Variants in ECHDC1 observed in about 807,000 individuals in gnomAD.
The protein encoded by ECHDC1 is ethylmalonyl-CoA decarboxylase 1.
In ECHDC1, 29 loss-of-function variants were observed where a neutral mutation model predicts 29.7. The observed-to-expected ratio is 0.98, with a 90% CI of 0.73 to 1.33. The LOEUF (loss-of-function observed/expected upper bound fraction) is 1.33, where lower values mean the gene tolerates loss of function less well. Ranked by LOEUF, ECHDC1 falls within the 40% of genes most tolerant of loss-of-function variation. The pLI is 0.00. For synonymous variants in ECHDC1, 126 were observed against 123.1 expected (o/e 1.02, Z -0.15); for missense variants, 328 against 350.0 (o/e 0.94, Z 0.50).
intron 5 of ECHDC1, among the ~76,000 whole-genome samples, chr6:127,296,366 TA>T (rs1438266940): frequency 2.0e-5 from 3 of 152,148 alleles, no homozygotes; most frequent in Non-Finnish European, 4.4e-5. Flanking sequence ...TAAATTTTTA[TA>T]CATTTTTAGT....
At chr6:127,333,300 G>A (rs890275520) in intron 1 of ECHDC1, among the ~76,000 whole-genome samples, 1 of 152,142 alleles carries the variant, frequency 6.6e-6, no homozygotes, top group Non-Finnish European at 1.5e-5. Context: ...TTTACCTGAT[G>A]TAGTTCCCAG....
At chr6:127,298,211 G>A (rs1295329488) in intron 5 of ECHDC1, among the ~76,000 whole-genome samples, 1 of 152,098 alleles carries the variant, frequency 6.6e-6, no homozygotes, top group Non-Finnish European at 1.5e-5. Context: ...CGCCTTTCCT[G>A]CAAGTTTGTA....
intron 4 of ECHDC1, 160 bp downstream of exon 4, chr6:127,316,290 A>G: frequency 1.7e-6 from 1 of 585,976 alleles, no homozygotes; most frequent in Non-Finnish European, 3.0e-6. Flanking sequence ...TTAACATGTA[A>G]TTAAATGATT....
At chr6:127,320,836 C>G (rs774425877) in intron 3 of ECHDC1, among the ~76,000 whole-genome samples, 1 of 151,854 alleles carries the variant, frequency 6.6e-6, no homozygotes, top group African/African-American at 2.4e-5. Flanking sequence ...AGCTCTTTTC[C>G]TGCACAATAA....
intron 1 of ECHDC1, among the ~76,000 whole-genome samples, chr6:127,334,469 G>A (rs9321076): frequency 0.73 from 111,011 of 151,976 alleles, 40,717 homozygotes; most frequent in East Asian, 0.78. Flanking sequence ...ACAGTCACCA[G>A]TTAGTAGCAT....
rs536164641 is a variant in ECHDC1 at position 127,299,331 on chromosome 6, G to A, written c.498-9054C>T. 4.6e-4 allele frequency among the ~76,000 whole-genome samples: 70 copies of A among 151,956 alleles called. 1 individual carries two copies. The highest frequency in any genetic ancestry group is 1.6e-4 in the Non-Finnish European group (11 of 67,996). On this transcript the variant is annotated intron_variant, in intron 5 of 5. Coordinates refer to ENST00000454859, the MANE Select transcript of ECHDC1 (RefSeq NM_001002030.2). ...TTACTGCCCCTGAAGATGTTCCAGT[G>A]GGGTAAGATGTGGAGGGGTAGGACA...
At chr6:127,296,261 T>A (rs1780586525) in intron 5 of ECHDC1, among the ~76,000 whole-genome samples, 1 of 152,180 alleles carries the variant, frequency 6.6e-6, no homozygotes, top group Non-Finnish European at 1.5e-5. Context: ...TGGCACGATC[T>A]TGGCTCATTG....
At chr6:127,293,524 A>G (rs1780359594) in intron 5 of ECHDC1, among the ~76,000 whole-genome samples, 1 of 152,158 alleles carries the variant, frequency 6.6e-6, no homozygotes, top group Admixed American at 6.6e-5. Context: ...AGGAAGATTC[A>G]TCTCTAGATC....
At chr6:127,306,387 C>T (rs756066240) in intron 5 of ECHDC1, among the ~76,000 whole-genome samples, 22 of 152,044 alleles carry the variant, frequency 1.4e-4, no homozygotes, top group African/African-American at 1.9e-4. Context: ...GCATTTGATA[C>T]GGTTTGGATT....
At chr6:127,339,155 TA>T (rs891675585) in intron 1 of ECHDC1, among the ~76,000 whole-genome samples, 2 of 151,890 alleles carry the variant, frequency 1.3e-5, no homozygotes, top group African/African-American at 4.8e-5. Flanking sequence ...CCACTAACAA[TA>T]ATTACAGCCT....
At chr6:127,318,225 T>C (rs2114631162) in intron 3 of ECHDC1, among the ~76,000 whole-genome samples, 1 of 152,334 alleles carries the variant, frequency 6.6e-6, no homozygotes, top group East Asian at 1.9e-4. Context: ...ACACTTATTG[T>C]GGCTCCTGTG....
rs557290275 is a variant in ECHDC1, at chr6:127,315,881, G to C, written c.416+569C>G. On this transcript the variant is annotated intron_variant, in intron 4 of 5. Transcript: ENST00000454859. ...TTAAATTTGTCTACATTCGGAATGTGAAAGTAGAAAGCTAATCAACCAAAA... is the reference window on the plus strand; with the variant it reads ...TTAAATTTGTCTACATTCGGAATGTCAAAGTAGAAAGCTAATCAACCAAAA... The C allele has an allele frequency of 1.1e-3, 499 of 447,462 alleles. 1 individual carries two copies. The highest frequency in any genetic ancestry group is 1.6e-3 in the Non-Finnish European group (353 of 216,984). 27.7% of individuals were successfully genotyped at this position (447,462 alleles called of 1,614,324 possible). A position where few individuals can be genotyped will look rare whatever the true frequency, so the allele number is the denominator to read the frequency against.
At chr6:127,331,653 T>C (rs1253851228) in intron 1 of ECHDC1, among the ~76,000 whole-genome samples, 2 of 152,224 alleles carry the variant, frequency 1.3e-5, no homozygotes, top group African/African-American at 4.8e-5. Context: ...TTGCACCATC[T>C]CCTGCCTCTA....
chr6:127,326,566 G>T, intron 3 of ECHDC1: 2 of 426,618 alleles, frequency 4.7e-6, no homozygotes. Context: ...TATTCCATCT[G>T]CAACTTTCCT....
intron 5 of ECHDC1, among the ~76,000 whole-genome samples, chr6:127,305,247 A>G (rs1396368760): frequency 1.3e-5 from 2 of 152,224 alleles, no homozygotes; most frequent in Admixed American, 1.3e-4. Flanking sequence ...TGAAAACCTT[A>G]CAGGCCAGGA....
chr6:127,306,916 C>T (rs1208294955), intron 5 of ECHDC1, among the ~76,000 whole-genome samples: 1 of 152,068 alleles, frequency 6.6e-6, no homozygotes, highest in Non-Finnish European at 1.5e-5. Context: ...AAAAGTAGAC[C>T]ATATGTTTGG....
chr6:127,337,717 C>T (rs971810463), intron 1 of ECHDC1, among the ~76,000 whole-genome samples: 1 of 152,166 alleles, frequency 6.6e-6, no homozygotes, highest in Admixed American at 6.5e-5. Flanking sequence ...TTCGCATCAA[C>T]AACACCTATA....
intron 5 of ECHDC1, among the ~76,000 whole-genome samples, chr6:127,290,827 T>C (rs534668135): frequency 2.5e-4 from 38 of 152,066 alleles, no homozygotes; most frequent in African/African-American, 8.2e-4. Context: ...AGAAAGGCAT[T>C]AAACCATATA....
intron 3 of ECHDC1, among the ~76,000 whole-genome samples, chr6:127,323,636 C>T (rs758115225): frequency 6.6e-6 from 1 of 152,078 alleles, no homozygotes; most frequent in Non-Finnish European, 1.5e-5. Flanking sequence ...AGTATTGAAA[C>T]CAGCTTTCAA....
Sources: gnomAD v4.1 joint callset for allele counts (sites outside exome capture counted in the v4.1 genomes callset) on GRCh38, gnomAD v4.1.1 for gene constraint, MANE v1.5 for transcripts, NCBI Gene and HGNC (gene_info 2026-07-23, HGNC 2026-07-21) for gene names.